Variants in THEMIS observed in about 807,000 individuals in gnomAD.
The protein encoded by THEMIS is thymocyte selection associated.
A neutral mutation model predicts 52.6 loss-of-function variants in THEMIS; 37 were observed. The observed-to-expected ratio is 0.70, with a 90% CI of 0.54 to 0.93. The LOEUF is 0.93. Ranked by LOEUF, THEMIS falls within the 40% of genes least tolerant of loss-of-function variation. The pLI, the probability that THEMIS is intolerant of heterozygous loss-of-function variation, is 0.00. For missense variants in THEMIS, 808 were observed against 763.1 expected, an observed-to-expected ratio of 1.06 and a Z score of -0.69; for synonymous variants, 292 against 272.7, an observed-to-expected ratio of 1.07 and a Z score of -0.70.
chr6:127,858,436 C>T (rs904069574), intron 1 of THEMIS, among the ~76,000 whole-genome samples: 29 of 152,000 alleles, frequency 1.9e-4, no homozygotes, highest in African/African-American at 6.5e-4. Flanking sequence ...ATGTCCAGCA[C>T]TAGAAAGCTA....
At chr6:127,752,447 ATAAAT>A (rs906735529) in intron 4 of THEMIS, among the ~76,000 whole-genome samples, 6 of 151,222 alleles carry the variant, frequency 4.0e-5, no homozygotes, top group Non-Finnish European at 7.4e-5. Context: ...AAAAATAAAT[ATAAAT>A]TAAAGAGAGA....
intron 4 of THEMIS, among the ~76,000 whole-genome samples, chr6:127,787,085 A>T (rs1336868882): frequency 1.3e-5 from 2 of 152,154 alleles, no homozygotes; most frequent in African/African-American, 4.8e-5. Context: ...CTGACTCCCT[A>T]CTGTCCCCAG....
chr6:127,818,749 C>G (rs1420078756), intron 3 of THEMIS, among the ~76,000 whole-genome samples: 1 of 151,734 alleles, frequency 6.6e-6, no homozygotes, highest in Non-Finnish European at 1.5e-5. Context: ...AAAAAGGGGA[C>G]AACATGTAGG....
At chr6:127,844,515 G>T (rs926481099) in intron 2 of THEMIS, among the ~76,000 whole-genome samples, 3 of 151,626 alleles carry the variant, frequency 2.0e-5, no homozygotes, top group Non-Finnish European at 4.4e-5. Flanking sequence ...TAATTTTAAG[G>T]GTGGTTTTAT....
chr6:127,755,258 A>T (rs1775782844), intron 4 of THEMIS, among the ~76,000 whole-genome samples: 2 of 152,182 alleles, frequency 1.3e-5, no homozygotes, highest in Non-Finnish European at 2.9e-5. Flanking sequence ...GAATCCCTGT[A>T]TTTAAAAAAT....
chr6:127,865,448 T>A (rs955650342), intron 1 of THEMIS, among the ~76,000 whole-genome samples: 1 of 152,096 alleles, frequency 6.6e-6, no homozygotes, highest in Admixed American at 6.6e-5. Flanking sequence ...GTTTCAAGAC[T>A]TTGTTAAAGC....
chr6:127,739,790 G>A (rs1775134894), intron 4 of THEMIS, among the ~76,000 whole-genome samples: 1 of 152,204 alleles, frequency 6.6e-6, no homozygotes, highest in Admixed American at 6.5e-5. Flanking sequence ...ATCGTGGCAA[G>A]CATGTCACTT....
intron 4 of THEMIS, among the ~76,000 whole-genome samples, chr6:127,725,560 C>T (rs1040742144): frequency 6.6e-6 from 1 of 151,946 alleles, no homozygotes; most frequent in African/African-American, 2.4e-5. Flanking sequence ...ATTAATTCAT[C>T]ATTGTGCATT....
intron 3 of THEMIS, among the ~76,000 whole-genome samples, chr6:127,823,787 C>G (rs1293715526): frequency 1.3e-5 from 2 of 152,030 alleles, no homozygotes; most frequent in Admixed American, 6.6e-5. Flanking sequence ...TAAAATTATA[C>G]CTTTTCAATC....
At chr6:127,794,746 ATATT>A in intron 4 of THEMIS, among the ~76,000 whole-genome samples, 1 of 152,314 alleles carries the variant, frequency 6.6e-6, no homozygotes, top group Non-Finnish European at 1.5e-5. Context: ...GTACACCTTG[ATATT>A]CTTTCAAAAA....
intron 1 of THEMIS, among the ~76,000 whole-genome samples, chr6:127,916,215 C>A (rs999630370): frequency 6.7e-6 from 1 of 150,338 alleles, no homozygotes; most frequent in African/African-American, 2.4e-5. Context: ...AAAAAATAAA[C>A]CTAGGGAATG....
intron 1 of THEMIS, among the ~76,000 whole-genome samples, chr6:127,900,173 G>T (rs1053098837): frequency 6.6e-6 from 1 of 151,824 alleles, no homozygotes; most frequent in African/African-American, 2.4e-5. Flanking sequence ...ATTCTAGGTT[G>T]TATATTGGAG....
intron 4 of THEMIS, among the ~76,000 whole-genome samples, chr6:127,805,514 T>C (rs971880666): frequency 6.6e-6 from 1 of 152,112 alleles, no homozygotes; most frequent in African/African-American, 2.4e-5. Context: ...TTTCACTTTC[T>C]ACTCTCTTCT....
At chr6:127,845,204 A>G (rs1779174522) in intron 2 of THEMIS, among the ~76,000 whole-genome samples, 1 of 151,930 alleles carries the variant, frequency 6.6e-6, no homozygotes, top group African/African-American at 2.4e-5. Context: ...ATCTTTCCTC[A>G]GTAGATTTTC....
At chr6:127,701,619 A>C in the THEMIS span, among the ~76,000 whole-genome samples, 1 of 152,164 alleles carries the variant, frequency 6.6e-6, no homozygotes, top group Non-Finnish European at 1.5e-5. Context: ...AGTGCCAAAC[A>C]GTTTTCCAAA....
Position 127,709,817 on chromosome 6 carries a change from T to C in THEMIS, c.*168A>G. 3.3e-6 allele frequency: 2 copies of C among 600,800 alleles called. No individual in the cohort carries two copies. Among genetic ancestry groups the C allele is most frequent in the East Asian group, 3.0e-5 (1 of 32,814 alleles). The allele number at this position is 600,800 out of a possible 1,614,324, so 37.2% of individuals were successfully genotyped here. The stretch of plus-strand genomic sequence containing the variant: ...ATATGAATTCTATATCATAGGTTTC[T>C]GTAAGTTTTATCTGTTAAAAGTTTT... On this transcript the variant is annotated 3_prime_UTR_variant, in exon 6 of 6. Coordinates refer to ENST00000368248, the MANE Select transcript of THEMIS (RefSeq NM_001010923.3).
the THEMIS span, among the ~76,000 whole-genome samples, chr6:127,697,797 C>T: frequency 1.3e-5 from 2 of 152,098 alleles, no homozygotes; most frequent in Non-Finnish European, 1.5e-5. Context: ...AATAGCACTG[C>T]CACTTCTAGA....
At chr6:127,911,529 T>G (rs1193346158) in intron 1 of THEMIS, among the ~76,000 whole-genome samples, 1 of 151,334 alleles carries the variant, frequency 6.6e-6, no homozygotes, top group Non-Finnish European at 1.5e-5. Context: ...TTGTTTCAGC[T>G]TTGATCACTG....
intron 4 of THEMIS, among the ~76,000 whole-genome samples, chr6:127,737,194 T>C (rs1775039810): frequency 6.6e-6 from 1 of 152,232 alleles, no homozygotes; most frequent in South Asian, 2.1e-4. Flanking sequence ...AGTGTCATTA[T>C]ATCTATGCAC....
Sources: allele counts gnomAD v4.1 joint callset (sites outside exome capture counted in the v4.1 genomes callset), GRCh38; gene constraint gnomAD v4.1.1; transcripts MANE v1.5; gene names NCBI Gene and HGNC (gene_info 2026-07-23, HGNC 2026-07-21).